Variants in FILIP1 observed in about 807,000 individuals in gnomAD.
FILIP1 encodes the protein filamin A interacting protein 1.
Under a neutral mutation model 102.1 loss-of-function variants are expected in FILIP1, and 61 were observed. The observed-to-expected ratio is 0.60, with a 90% CI of 0.49 to 0.74. The LOEUF (loss-of-function observed/expected upper bound fraction) is 0.74, where lower values mean the gene tolerates loss of function less well. FILIP1 is among the 30% of genes least tolerant of loss of function. The pLI, the probability that FILIP1 is intolerant of heterozygous loss-of-function variation, is 0.00. For synonymous variants in FILIP1, 491 were observed against 526.9 expected, an observed-to-expected ratio of 0.93 and a Z score of 0.93; for missense variants, 1,314 against 1,441.2, an observed-to-expected ratio of 0.91 and a Z score of 1.43.
At position 75,450,809 on chromosome 6, in the gene FILIP1, G is replaced by C. The variant is rs1410743201; in HGVS notation, c.-6-35831C>G. ...TGTCTCTACTAAAAATACAAAATTA[G>C]CCGGGCATGGTGGTGCATGCCAGTA... On this transcript the variant is annotated intron_variant, in intron 1 of 5. Transcript: ENST00000237172. Among the ~76,000 whole-genome samples, 5 of 152,050 alleles carry C rather than the reference G, an allele frequency of 3.3e-5. 1 individual carries two copies. In the South Asian group the frequency reaches 1.0e-3, roughly 32 times the overall value.
At chr6:75,311,767 G>A (rs976267979) in intron 5 of FILIP1, among the ~76,000 whole-genome samples, 1 of 152,176 alleles carries the variant, frequency 6.6e-6, no homozygotes, top group African/African-American at 2.4e-5. Flanking sequence ...AAAGTGCTGG[G>A]ATTACTGGCA....
At chr6:75,402,717 T>C (rs1319650572) in intron 2 of FILIP1, among the ~76,000 whole-genome samples, 1 of 152,210 alleles carries the variant, frequency 6.6e-6, no homozygotes, top group East Asian at 1.9e-4. Context: ...CCATTCCCAA[T>C]GGAGTTATGA....
At chr6:75,325,508 A>G (rs1028765558) in intron 4 of FILIP1, among the ~76,000 whole-genome samples, 1 of 152,200 alleles carries the variant, frequency 6.6e-6, no homozygotes, top group East Asian at 1.9e-4. Context: ...ACAAAGGACT[A>G]ATATCCAGAA....
intron 4 of FILIP1, among the ~76,000 whole-genome samples, chr6:75,318,472 G>A (rs912807966): frequency 6.6e-5 from 10 of 152,112 alleles, no homozygotes; most frequent in South Asian, 4.2e-4. Context: ...CTGGTGTCAA[G>A]TGATCCTCCT....
intron 1 of FILIP1, chr6:75,458,952 T>C (rs1202820604): frequency 6.6e-6 from 1 of 152,140 alleles, no homozygotes; most frequent in Non-Finnish European, 1.5e-5. Flanking sequence ...AATGAAGGCA[T>C]TGATGAAACC....
intron 1 of FILIP1, among the ~76,000 whole-genome samples, chr6:75,416,125 G>C (rs961663967): frequency 6.6e-6 from 1 of 152,076 alleles, no homozygotes; most frequent in Non-Finnish European, 1.5e-5. Context: ...TAGGGACTTT[G>C]TTATATGAAA....
chr6:75,321,634 A>G (rs1022984812), intron 4 of FILIP1, among the ~76,000 whole-genome samples: 10 of 152,196 alleles, frequency 6.6e-5, no homozygotes, highest in Non-Finnish European at 1.2e-4. Context: ...CTCTACTAAA[A>G]ATACAAAAAA....
chr6:75,470,163 A>G lies in FILIP1; in HGVS notation c.-7+23251T>C, dbSNP rs112517823. Reference sequence around the variant, plus strand: ...CAGAGAAAATGATAGAAAGCTCAAGATAATCAAAGGAAAAACTTCTATAAC... The same window carrying G: ...CAGAGAAAATGATAGAAAGCTCAAGGTAATCAAAGGAAAAACTTCTATAAC... On this transcript the variant is annotated intron_variant, in intron 1 of 5. Coordinates refer to ENST00000237172, the MANE Select transcript of FILIP1 (RefSeq NM_015687.5). 7.2e-4 allele frequency among the ~76,000 whole-genome samples: 109 copies of G among 152,280 alleles called. 1 individual carries two copies. Among genetic ancestry groups the G allele is most frequent in the African/African-American group, 2.5e-3 (106 of 41,578 alleles).
rs139233926 is a variant in FILIP1, at chr6:75,331,739, C to G, written c.630-16537G>C. Among the ~76,000 whole-genome samples, 673 of 152,178 alleles carry G rather than the reference C, an allele frequency of 4.4e-3. 4 individuals carry two copies. The highest frequency in any genetic ancestry group is 0.015 in the African/African-American group (618 of 41,520). On this transcript the variant is annotated intron_variant, in intron 4 of 5. Transcript: ENST00000237172. ...CTGCGACTCTATTTCAGCTCCCATT[C>G]CTTCACTAGTCAGGCACCCTTGTAC...
rs928992341 is a variant in FILIP1 at position 75,426,254 on chromosome 6, G to GA, written c.-6-11277dup. On this transcript the variant is annotated intron_variant, in intron 1 of 5. Coordinates refer to ENST00000237172, the MANE Select transcript of FILIP1 (RefSeq NM_015687.5). ...GAAAATGACTGAAAATAAGAGAGAAGAAAAAAAAATGCCACTTCTTCTCTT... is the reference window on the plus strand; with the variant it reads ...GAAAATGACTGAAAATAAGAGAGAAGAAAAAAAAAATGCCACTTCTTCTCTT... Among the ~76,000 whole-genome samples, 43 of 150,340 alleles carry GA rather than the reference G, an allele frequency of 2.9e-4. No individual in the cohort carries two copies. In the South Asian group the frequency reaches 2.9e-3, roughly 10 times the overall value.
At chr6:75,386,228 G>A (rs1256798147) in intron 2 of FILIP1, 1 of 152,226 alleles carries the variant, frequency 6.6e-6, no homozygotes, top group Non-Finnish European at 1.5e-5. Flanking sequence ...CTCCAAGCAA[G>A]TGGTCAGATG....
chr6:75,465,527 A>G (rs879640393), intron 1 of FILIP1: 21 of 710,602 alleles, frequency 3.0e-5, no homozygotes, highest in Non-Finnish European at 4.8e-5. Context: ...TCTAAAGAAA[A>G]TATGAAACTC....
At chr6:75,360,205 A>G (rs1775130118) in intron 3 of FILIP1, among the ~76,000 whole-genome samples, 1 of 152,214 alleles carries the variant, frequency 6.6e-6, no homozygotes. Context: ...TCTCTGCTTC[A>G]GTATCTGGTA....
At chr6:75,410,326 T>A (rs1310876742) in intron 2 of FILIP1, among the ~76,000 whole-genome samples, 1 of 152,062 alleles carries the variant, frequency 6.6e-6, no homozygotes, top group African/African-American at 2.4e-5. Flanking sequence ...CACCAGCCAT[T>A]CAGAAAGATT....
intron 1 of FILIP1, among the ~76,000 whole-genome samples, chr6:75,420,188 A>C (rs934914005): frequency 2.6e-5 from 4 of 152,052 alleles, no homozygotes; most frequent in Non-Finnish European, 4.4e-5. Flanking sequence ...CAAATAGAAA[A>C]ATATTATTCT....
chr6:75,300,858 T>G (rs1320864040), intron 6 of FILIP1, among the ~76,000 whole-genome samples: 1 of 152,200 alleles, frequency 6.6e-6, no homozygotes, highest in Non-Finnish European at 1.5e-5. Context: ...ATTATCTCCT[T>G]ACCTCCCCAG....
At chr6:75,431,164 T>C (rs1044334625) in intron 1 of FILIP1, among the ~76,000 whole-genome samples, 1 of 152,056 alleles carries the variant, frequency 6.6e-6, no homozygotes, top group African/African-American at 2.4e-5. Context: ...ATACTGAGCA[T>C]GAGGGCAGAG....
downstream of FILIP1, among the ~76,000 whole-genome samples, chr6:75,306,908 T>C (rs1043603155): frequency 1.3e-5 from 2 of 151,720 alleles, no homozygotes; most frequent in African/African-American, 2.4e-5. Context: ...GATCAAGTGA[T>C]TCTCCTGCCT....
At position 75,292,110 on chromosome 6, in the gene FILIP1, A is replaced by T. The variant is rs184152646; in HGVS notation, c.*3800T>A. The T allele has an allele frequency of 2.4e-4, 36 of 152,356 alleles. 1 individual carries two copies. In the East Asian group the frequency reaches 6.7e-3, roughly 29 times the overall value. 9.4% of individuals were successfully genotyped at this position (152,356 alleles called of 1,614,324 possible). A position where few individuals can be genotyped will look rare whatever the true frequency, so the allele number is the denominator to read the frequency against. On this transcript the variant is annotated 3_prime_UTR_variant, in exon 7 of 7. Coordinates refer to the FILIP1 transcript ENST00000393004. ...AATTCACTTGGATTCAATGAAAAAT[A>T]ATAAACTTCTCGTGTACTTAATAAA...
Sources: allele counts gnomAD v4.1 joint callset (sites outside exome capture counted in the v4.1 genomes callset), GRCh38; gene constraint gnomAD v4.1.1; transcripts MANE v1.5; gene names NCBI Gene and HGNC (gene_info 2026-07-23, HGNC 2026-07-21).